Variants in ZDHHC15 observed in about 807,000 individuals in gnomAD.
ZDHHC15 encodes the protein zDHHC palmitoyltransferase 15.
In ZDHHC15, 19 loss-of-function variants were observed where a neutral mutation model predicts 31.7. The ratio of observed to expected loss-of-function variants is 0.60; its 90% CI spans 0.42 to 0.88. The LOEUF (loss-of-function observed/expected upper bound fraction) is 0.88, where lower values mean the gene tolerates loss of function less well. Ranked by LOEUF, ZDHHC15 falls within the 40% of genes least tolerant of loss-of-function variation. The probability of loss-of-function intolerance (pLI) is 0.00; values close to 1 mark genes in which losing one functional copy is unlikely to be tolerated. For synonymous variants in ZDHHC15, 103 were observed against 90.0 expected, an observed-to-expected ratio of 1.14 and a Z score of -0.82; for missense variants, 209 against 251.2, an observed-to-expected ratio of 0.83 and a Z score of 1.14.
intron 2 of ZDHHC15, among the ~76,000 whole-genome samples, chrX:75,504,700 C>T (rs2085132641): frequency 1.8e-5 from 2 of 111,466 alleles, no homozygotes; most frequent in African/African-American, 6.5e-5. Context: ...AGCCTCTACT[C>T]AATTTGTCTT....
At chrX:75,477,033 A>C (rs1048330096) in intron 3 of ZDHHC15, among the ~76,000 whole-genome samples, 3 of 111,028 alleles carry the variant, frequency 2.7e-5, no homozygotes, top group African/African-American at 9.8e-5. Context: ...TTTTTTTCTG[A>C]GCACTGCTTT....
intron 10 of ZDHHC15, chrX:75,384,682 G>A: frequency 1.2e-6 from 1 of 825,697 alleles, no homozygotes; most frequent in Non-Finnish European, 1.8e-6. Context: ...GAATGAAAAT[G>A]ATCAGAGAAA....
intron 2 of ZDHHC15, 62 bp downstream of exon 2, chrX:75,505,758 AT>A: frequency 8.5e-7 from 1 of 1,180,027 alleles, no homozygotes; most frequent in Non-Finnish European, 1.1e-6. Flanking sequence ...CTTTTATGTT[AT>A]TTACTTTTAG....
rs946114440 is a variant in ZDHHC15 at position 75,369,740 on chromosome X, A to C, written c.*3238T>G. 4 of 111,791 alleles carry C rather than the reference A, an allele frequency of 3.6e-5. No individual in the cohort carries two copies. The highest frequency in any genetic ancestry group is 1.3e-4 in the African/African-American group (4 of 30,709). The allele number at this position is 111,791 out of a possible 1,213,427, so 9.2% of individuals were successfully genotyped here. ...TCACATAGAAAGTAAGAGTTGTACA[A>C]ATTGCATACTTTTCAGATTTTTGAC... On this transcript the variant is annotated 3_prime_UTR_variant, in exon 12 of 12. Transcript: ENST00000373367.
At chrX:75,392,769 A>G (rs1048159694) in intron 10 of ZDHHC15, among the ~76,000 whole-genome samples, 3 of 112,034 alleles carry the variant, frequency 2.7e-5, no homozygotes, top group Non-Finnish European at 3.8e-5. Flanking sequence ...AAGTGTATAT[A>G]GGCATAAACA....
intron 10 of ZDHHC15, among the ~76,000 whole-genome samples, chrX:75,405,715 C>T (rs1252841670): frequency 8.9e-6 from 1 of 111,784 alleles, no homozygotes; most frequent in Non-Finnish European, 1.9e-5. Flanking sequence ...AATAAAATAA[C>T]AGTAGGGCAG....
chrX:75,446,100 T>C (rs1175382481), intron 4 of ZDHHC15, among the ~76,000 whole-genome samples: 2 of 111,843 alleles, frequency 1.8e-5, no homozygotes, highest in Non-Finnish European at 3.8e-5. Context: ...AATTTTCTAA[T>C]TTATACAGAT....
intron 2 of ZDHHC15, among the ~76,000 whole-genome samples, chrX:75,505,313 A>G (rs1288951490): frequency 8.9e-6 from 1 of 111,949 alleles, no homozygotes; most frequent in East Asian, 2.8e-4. Flanking sequence ...TGATTAGCTT[A>G]CACTTTTTAA....
chrX:75,389,161 A>G (rs962744046), intron 10 of ZDHHC15, among the ~76,000 whole-genome samples: 2 of 111,627 alleles, frequency 1.8e-5, no homozygotes, highest in African/African-American at 3.3e-5. Context: ...GGGAACATTT[A>G]GACAAGCCCT....
chrX:75,513,110 C>T (rs1439144688), intron 1 of ZDHHC15, among the ~76,000 whole-genome samples: 3 of 108,872 alleles, frequency 2.8e-5, no homozygotes, highest in African/African-American at 1.0e-4. Context: ...AACTGGATCC[C>T]TTCCTTACAC....
chrX:75,511,692 G>C (rs897398428), intron 1 of ZDHHC15, among the ~76,000 whole-genome samples: 2 of 104,596 alleles, frequency 1.9e-5, no homozygotes, highest in Admixed American at 2.1e-4. Context: ...ATTCACAGCC[G>C]AATTCTACCA....
chrX:75,491,041 G>A (rs2084879224), intron 2 of ZDHHC15, among the ~76,000 whole-genome samples: 1 of 111,736 alleles, frequency 8.9e-6, no homozygotes, highest in Non-Finnish European at 1.9e-5. Flanking sequence ...CTGTAAACTA[G>A]TTCAACCATT....
chrX:75,479,089 A>G, intron 2 of ZDHHC15, 104 bp from the exon 3 acceptor site: 1 of 501,644 alleles, frequency 2.0e-6, no homozygotes, highest in Non-Finnish European at 3.1e-6. Flanking sequence ...TCTTATTAAC[A>G]TGTATTCTCT....
chrX:75,382,735 C>A (rs1455795048), intron 10 of ZDHHC15, among the ~76,000 whole-genome samples: 1 of 111,966 alleles, frequency 8.9e-6, no homozygotes, highest in Non-Finnish European at 1.9e-5. Flanking sequence ...AGTAAAGGAG[C>A]CATTTGGTGA....
At chrX:75,474,570 T>TTA (rs1569349240) in intron 3 of ZDHHC15, among the ~76,000 whole-genome samples, 4 of 16,117 alleles carry the variant, frequency 2.5e-4, no homozygotes, top group Non-Finnish European at 5.9e-4. Context: ...ATAATCCCCT[T>TTA]TATACACACA....
intron 3 of ZDHHC15, among the ~76,000 whole-genome samples, chrX:75,469,530 C>T (rs1443233909): frequency 8.9e-6 from 1 of 111,942 alleles, no homozygotes; most frequent in African/African-American, 3.2e-5. Flanking sequence ...GTACGATGTC[C>T]TGAAGTTTCG....
rs548751599 is a variant in ZDHHC15 at position 75,461,885 on chromosome X, T to C, written c.259-10963A>G. Reference sequence around the variant, plus strand: ...TGACCACATAAACAAGTCTGCAAAATAGCCAGCTAGCATCATGATGACAGG... The same window carrying C: ...TGACCACATAAACAAGTCTGCAAAACAGCCAGCTAGCATCATGATGACAGG... On this transcript the variant is annotated intron_variant, in intron 3 of 11. Coordinates refer to ENST00000373367, the MANE Select transcript of ZDHHC15 (RefSeq NM_144969.3). Among the ~76,000 whole-genome samples the C allele has an allele frequency of 3.0e-4, 33 of 111,819 alleles. No homozygotes were observed. In the South Asian group the frequency reaches 0.012, roughly 42 times the overall value.
intron 4 of ZDHHC15, among the ~76,000 whole-genome samples, chrX:75,437,092 A>C (rs1263135949): frequency 9.1e-6 from 1 of 110,197 alleles, no homozygotes; most frequent in Admixed American, 9.6e-5. Flanking sequence ...CGTGTTAGCC[A>C]GGATGGTCTT....
chrX:75,439,845 C>T lies in ZDHHC15; in HGVS notation c.380-8325G>A, dbSNP rs1197394093. Among the ~76,000 whole-genome samples, 3 of 111,713 alleles carry T rather than the reference C, an allele frequency of 2.7e-5. No homozygotes were observed. The East Asian group carries it at 8.4e-4, about 31-fold the overall frequency. The stretch of plus-strand genomic sequence containing the variant: ...CAAGGGCTGCTGTTCAGATTCTTTT[C>T]TTCCACTGGGTGATCCCTTGATGTG... On this transcript the variant is annotated intron_variant, in intron 4 of 11. Coordinates refer to ENST00000373367, the MANE Select transcript of ZDHHC15 (RefSeq NM_144969.3).
Sources: gnomAD v4.1 joint callset for allele counts (sites outside exome capture counted in the v4.1 genomes callset) on GRCh38, gnomAD v4.1.1 for gene constraint, MANE v1.5 for transcripts, NCBI Gene and HGNC (gene_info 2026-07-23, HGNC 2026-07-21) for gene names.